Variants in SF3B3 observed in about 807,000 individuals in gnomAD.
SF3B3 encodes SAP 130.
SF3B3 carries 33 observed loss-of-function variants against 139.2 expected under a neutral mutation model. That is an observed-to-expected ratio of 0.24 (90% CI 0.18 to 0.32). SF3B3 has a LOEUF of 0.32. SF3B3 is among the 10% of genes least tolerant of loss of function. The pLI is 1.00. For synonymous variants in SF3B3, 596 were observed against 563.6 expected, an observed-to-expected ratio of 1.06 and a Z score of -0.81; for missense variants, 818 against 1,509.4, an observed-to-expected ratio of 0.54 and a Z score of 7.59.
At chr16:70,557,792 T>C (rs942124463) in intron 15 of SF3B3, among the ~76,000 whole-genome samples, 2 of 152,234 alleles carry the variant, frequency 1.3e-5, no homozygotes, top group African/African-American at 4.8e-5. Context: ...CCCTGGACTA[T>C]TTTAAAGCAA....
At position 70,538,297 on chromosome 16, in the gene SF3B3, A is replaced by G. The variant is rs769648215; in HGVS notation, c.826-26A>G. 3.7e-5 allele frequency: 59 copies of G among 1,608,728 alleles called. 1 individual carries two copies. The highest frequency in any genetic ancestry group is 4.8e-5 in the Non-Finnish European group (57 of 1,175,902). The stretch of plus-strand genomic sequence containing the variant: ...ACTAAGAAGTACCCATTTCTAAGAC[A>G]TTGATTGTGTTTTTGACTTTGCTAG... On this transcript the variant is annotated intron_variant, in intron 6 of 25. Transcript: ENST00000302516.
chr16:70,526,833 G>C lies in SF3B3; in HGVS notation c.70+107G>C, dbSNP rs922633700. The C allele has an allele frequency of 3.9e-6, 3 of 773,872 alleles. No homozygotes were observed. In the African/African-American group the frequency reaches 5.2e-5, roughly 13 times the overall value. The allele number at this position is 773,872 out of a possible 1,614,324, so 47.9% of individuals were successfully genotyped here. On this transcript the variant is annotated intron_variant, in intron 2 of 25. Transcript: ENST00000302516. The stretch of plus-strand genomic sequence containing the variant: ...TCCATTTATGACAAAACAGTTGTTG[G>C]TAAATGTAAACAATTCAAATTATGA...
chr16:70,537,229 T>A (rs1419625731), intron 6 of SF3B3, among the ~76,000 whole-genome samples: 4 of 152,258 alleles, frequency 2.6e-5, no homozygotes, highest in Admixed American at 1.3e-4. Context: ...CTCCACTATG[T>A]CACACATTGT....
chr16:70,526,551 G>A, intron 1 of SF3B3, 36 bp from the exon 2 acceptor site: 1 of 723,370 alleles, frequency 1.4e-6, no homozygotes, highest in East Asian at 2.6e-5. Context: ...TGAAGTAATA[G>A]TCTCCCAGCT....
At position 70,576,180 on chromosome 16, in the gene SF3B3, TTGC is replaced by T. The variant is rs2050578431; in HGVS notation, c.*4372_*4374del. 1 of 152,086 alleles carries T rather than the reference TTGC, an allele frequency of 6.6e-6. No individual in the cohort carries two copies. Among genetic ancestry groups the T allele is most frequent in the Non-Finnish European group, 1.5e-5 (1 of 68,042 alleles). 9.4% of individuals were successfully genotyped at this position (152,086 alleles called of 1,614,324 possible). A position where few individuals can be genotyped will look rare whatever the true frequency, so the allele number is the denominator to read the frequency against. Reference sequence around the variant, plus strand: ...CAGTAGCTGTGATGGACAATGAACATTGCTGCTTGTTCAAAATGAAGAAAAAAA... The same window carrying T: ...CAGTAGCTGTGATGGACAATGAACATTGCTTGTTCAAAATGAAGAAAAAAA... On this transcript the variant is annotated 3_prime_UTR_variant, in exon 26 of 26. Coordinates refer to ENST00000302516, the MANE Select transcript of SF3B3 (RefSeq NM_012426.5).
rs576500276 is a variant in SF3B3 at position 70,559,561 on chromosome 16, C to T, written c.2011-908C>T. 2.2e-4 allele frequency among the ~76,000 whole-genome samples: 33 copies of T among 152,176 alleles called. No homozygotes were observed. In the South Asian group the frequency reaches 6.6e-3, roughly 31 times the overall value. On this transcript the variant is annotated intron_variant, in intron 15 of 25. Transcript: ENST00000302516. ...AAATAGTTGGGAATGGTGGCTCATG[C>T]CTGTAGTCCCAGCTACTTGGGAAGC...
At chr16:70,535,528 A>T in intron 6 of SF3B3, 108 bp downstream of exon 6, 1 of 555,678 alleles carries the variant, frequency 1.8e-6, no homozygotes. Flanking sequence ...TAAAAAAAAA[A>T]TTCAGTGACC....
At chr16:70,565,675 G>A in intron 20 of SF3B3, 151 bp downstream of exon 20, 1 of 682,582 alleles carries the variant, frequency 1.5e-6, no homozygotes, top group Non-Finnish European at 2.4e-6. Context: ...CCTTCTAGCT[G>A]CAGTGATGTT....
Position 70,539,101 on chromosome 16 carries a change from C to T in SF3B3, c.964-3C>T. ...TACACCAGAATGTTTCTTTTCTCACCAGGTTACTGAGATCCGGCTCAAATA... is the reference window on the plus strand; with the variant it reads ...TACACCAGAATGTTTCTTTTCTCACTAGGTTACTGAGATCCGGCTCAAATA... On this transcript the variant is annotated splice_region_variant and splice_polypyrimidine_tract_variant and intron_variant, in intron 7 of 25. Transcript: ENST00000302516. 1.2e-6 allele frequency: 2 copies of T among 1,605,384 alleles called. No homozygotes were observed. Among genetic ancestry groups the T allele is most frequent in the Non-Finnish European group, 1.7e-6 (2 of 1,172,058 alleles).
intron 3 of SF3B3, 32 bp downstream of exon 3, chr16:70,529,231 C>G: frequency 6.4e-7 from 1 of 1,552,430 alleles, no homozygotes. Context: ...CTGTATATGC[C>G]TAGTTTAGGA....
At chr16:70,529,702 CTAGT>C (rs1165113220) in intron 3 of SF3B3, 1 of 153,362 alleles carries the variant, frequency 6.5e-6, no homozygotes, top group East Asian at 1.9e-4. Context: ...AAAATTTTGA[CTAGT>C]TAGTGGGATA....
chr16:70,548,357 C>T lies in SF3B3; in HGVS notation c.1330-13C>T. On this transcript the variant is annotated splice_polypyrimidine_tract_variant and intron_variant, in intron 10 of 25. Coordinates refer to ENST00000302516, the MANE Select transcript of SF3B3 (RefSeq NM_012426.5). ...TGCTCACTGGATCTGTGGCTTCCCT[C>T]TTCTCCTGTCAGGTGTCAGAAATGG... 6.2e-7 allele frequency: 1 copy of T among 1,613,144 alleles called. No individual in the cohort carries two copies. Among genetic ancestry groups the T allele is most frequent in the Non-Finnish European group, 8.5e-7 (1 of 1,179,108 alleles).
intron 8 of SF3B3, among the ~76,000 whole-genome samples, chr16:70,539,579 C>T (rs191083531): frequency 3.3e-5 from 5 of 151,852 alleles, no homozygotes; most frequent in Admixed American, 2.6e-4. Context: ...TAGGAAGGTG[C>T]GGCTTTGAGG....
At chr16:70,567,159 C>T (rs1463606838) in intron 20 of SF3B3, among the ~76,000 whole-genome samples, 3 of 152,108 alleles carry the variant, frequency 2.0e-5, no homozygotes, top group South Asian at 2.1e-4. Flanking sequence ...ACCAGTTAAA[C>T]AGAGCACAAG....
rs755885244 is a variant in SF3B3, at chr16:70,563,872, A to G, written c.2289-4A>G. On this transcript the variant is annotated splice_polypyrimidine_tract_variant and splice_region_variant and intron_variant, in intron 17 of 25. Coordinates refer to ENST00000302516, the MANE Select transcript of SF3B3 (RefSeq NM_012426.5). ...TAAATAACTGCCTTGCTTTTTTGTC[A>G]TAGGATTTTGGCATTAGAGAAGCTC... 6.2e-7 allele frequency: 1 copy of G among 1,612,790 alleles called. No homozygotes were observed. The highest frequency in any genetic ancestry group is 1.1e-5 in the South Asian group (1 of 90,798).
At chr16:70,536,728 G>C (rs2050171980) in intron 6 of SF3B3, among the ~76,000 whole-genome samples, 1 of 151,382 alleles carries the variant, frequency 6.6e-6, no homozygotes, top group Non-Finnish European at 1.5e-5. Context: ...CTGACCTCAA[G>C]TCATCTGCCT....
intron 20 of SF3B3, chr16:70,565,746 T>A (rs2050469557): frequency 3.9e-6 from 2 of 516,608 alleles, no homozygotes; most frequent in Non-Finnish European, 3.5e-6. Context: ...GGGAGATAGA[T>A]GCACATTCAA....
chr16:70,557,402 T>C (rs1363446429), intron 15 of SF3B3, among the ~76,000 whole-genome samples: 1 of 152,222 alleles, frequency 6.6e-6, no homozygotes, highest in African/African-American at 2.4e-5. Context: ...ATGTTCCCTG[T>C]TGTCAAAGTT....
intron 20 of SF3B3, among the ~76,000 whole-genome samples, chr16:70,566,235 C>T (rs1002116418): frequency 6.6e-5 from 10 of 151,924 alleles, no homozygotes; most frequent in African/African-American, 2.2e-4. Flanking sequence ...AGTTACACAA[C>T]AGTAAATGTG....
Sources: allele counts gnomAD v4.1 joint callset (sites outside exome capture counted in the v4.1 genomes callset), GRCh38; gene constraint gnomAD v4.1.1; transcripts MANE v1.5; gene names NCBI Gene and HGNC (gene_info 2026-07-23, HGNC 2026-07-21).